The following BTRC variants were observed in gnomAD, a reference collection of about 807,000 sequenced individuals.
The protein encoded by BTRC is beta-transducin repeat containing E3 ubiquitin protein ligase.
In BTRC, 42 loss-of-function variants were observed where a neutral mutation model predicts 85.5. That is an observed-to-expected ratio of 0.49 (90% CI 0.38 to 0.64). The LOEUF (loss-of-function observed/expected upper bound fraction) is 0.64. BTRC is among the 30% of genes least tolerant of loss of function. The pLI, the probability that BTRC is intolerant of heterozygous loss-of-function variation, is 0.00. For synonymous variants in BTRC, 255 were observed against 263.3 expected, an observed-to-expected ratio of 0.97 and a Z score of 0.30; for missense variants, 594 against 743.5, an observed-to-expected ratio of 0.80 and a Z score of 2.34.
chr10:101,406,260 T>G (rs939600217), intron 1 of BTRC, among the ~76,000 whole-genome samples: 1 of 150,194 alleles, frequency 6.7e-6, no homozygotes, highest in African/African-American at 2.4e-5. Flanking sequence ...CACTGCAAGC[T>G]CCGCCTCCCG....
intron 1 of BTRC, among the ~76,000 whole-genome samples, chr10:101,363,784 T>C (rs991792671): frequency 6.6e-6 from 1 of 152,186 alleles, no homozygotes; most frequent in Admixed American, 6.5e-5. Context: ...CTCTCTGAGG[T>C]AGGCAGTCAA....
chr10:101,492,289 T>C (rs1564805345), intron 4 of BTRC, among the ~76,000 whole-genome samples: 1 of 152,182 alleles, frequency 6.6e-6, no homozygotes, highest in Non-Finnish European at 1.5e-5. Flanking sequence ...AAGGGAAATA[T>C]AGAGAGAAAA....
chr10:101,505,527 G>T (rs1258287813), intron 4 of BTRC, among the ~76,000 whole-genome samples: 11 of 151,622 alleles, frequency 7.3e-5, no homozygotes, highest in African/African-American at 2.4e-4. Context: ...AGCTGAGGCA[G>T]GAGAATGGCG....
chr10:101,445,174 T>G (rs552924156), intron 2 of BTRC, among the ~76,000 whole-genome samples: 124 of 152,322 alleles, frequency 8.1e-4, no homozygotes, highest in South Asian at 5.4e-3. Flanking sequence ...TCTGGTAAGA[T>G]CTTTCTGATT....
intron 12 of BTRC, among the ~76,000 whole-genome samples, chr10:101,537,534 A>AG (rs2062405542): frequency 6.6e-6 from 1 of 152,272 alleles, no homozygotes; most frequent in Non-Finnish European, 1.5e-5. Flanking sequence ...TCTCAAAAAA[A>AG]GAAAAAAAAA....
chr10:101,381,932 A>C (rs1279874933), intron 1 of BTRC, among the ~76,000 whole-genome samples: 1 of 138,550 alleles, frequency 7.2e-6, no homozygotes, highest in Non-Finnish European at 1.5e-5. Flanking sequence ...TACAGTTCAT[A>C]TCCAGAACCC....
At chr10:101,543,328 G>A (rs997589270) in intron 13 of BTRC, among the ~76,000 whole-genome samples, 1 of 152,112 alleles carries the variant, frequency 6.6e-6, no homozygotes, top group Non-Finnish European at 1.5e-5. Flanking sequence ...GATATTATAT[G>A]TAAACATTCT....
chr10:101,471,964 C>G (rs1383831690), intron 3 of BTRC, among the ~76,000 whole-genome samples: 1 of 152,048 alleles, frequency 6.6e-6, no homozygotes, highest in Non-Finnish European at 1.5e-5. Context: ...GCTTCCATGC[C>G]CCCTTTGACG....
intron 4 of BTRC, among the ~76,000 whole-genome samples, chr10:101,487,836 T>C (rs1471101897): frequency 2.6e-5 from 4 of 152,190 alleles, no homozygotes; most frequent in African/African-American, 9.6e-5. Context: ...CAGGCTCAGT[T>C]TCTGAAAAGG....
intron 4 of BTRC, among the ~76,000 whole-genome samples, chr10:101,504,609 A>C (rs1589562123): frequency 6.7e-6 from 1 of 150,010 alleles, no homozygotes; most frequent in Non-Finnish European, 1.5e-5. Context: ...TTCCTCTTCT[A>C]CCCTCTTCTC....
intron 1 of BTRC, among the ~76,000 whole-genome samples, chr10:101,388,656 A>C (rs1190662464): frequency 1.3e-5 from 2 of 151,332 alleles, no homozygotes; most frequent in Non-Finnish European, 2.9e-5. Flanking sequence ...CGCTTGGCTA[A>C]TTTTTTTGCA....
chr10:101,360,478 A>AT (rs1942173602), intron 1 of BTRC, among the ~76,000 whole-genome samples: 1 of 150,780 alleles, frequency 6.6e-6, no homozygotes, highest in African/African-American at 2.4e-5. Context: ...GGTTCAGGCA[A>AT]TTCTCCTGTC....
At chr10:101,379,203 C>CT (rs1220510885) in intron 1 of BTRC, among the ~76,000 whole-genome samples, 1 of 152,182 alleles carries the variant, frequency 6.6e-6, no homozygotes, top group Non-Finnish European at 1.5e-5. Context: ...AGTAGAAACT[C>CT]TTTTCATGTA....
chr10:101,509,161 T>C (rs1946624716), intron 4 of BTRC, among the ~76,000 whole-genome samples: 1 of 151,236 alleles, frequency 6.6e-6, no homozygotes, highest in African/African-American at 2.4e-5. Context: ...TCACTAGGTG[T>C]GCTTACTTAT....
intron 1 of BTRC, among the ~76,000 whole-genome samples, chr10:101,397,808 T>C (rs1943401953): frequency 6.6e-6 from 1 of 152,234 alleles, no homozygotes; most frequent in African/African-American, 2.4e-5. Flanking sequence ...AGGCATCACA[T>C]GCAGCATTAT....
intron 4 of BTRC, among the ~76,000 whole-genome samples, chr10:101,516,009 T>C (rs530952644): frequency 1.0e-3 from 158 of 152,344 alleles, no homozygotes; most frequent in Non-Finnish European, 1.8e-3. Flanking sequence ...GTGTTGGTTA[T>C]GTGAGTATGT....
At chr10:101,539,883 G>A (rs1008768331) in intron 13 of BTRC, among the ~76,000 whole-genome samples, 1 of 152,126 alleles carries the variant, frequency 6.6e-6, no homozygotes, top group Non-Finnish European at 1.5e-5. Context: ...TTTAATTCGT[G>A]TATCTCTAAT....
In BTRC at chr10:101,462,032, A is replaced by G; in HGVS notation, c.208A>G (p.Ile70Val). The G allele has an allele frequency of 4.3e-6, 7 of 1,612,184 alleles. No individual in the cohort carries two copies. Among genetic ancestry groups the G allele is most frequent in the Non-Finnish European group, 5.9e-6 (7 of 1,178,664 alleles). Residue 70 changes from isoleucine to valine, a missense_variant, in exon 3 of 15, where the codon ATA becomes GTA. Transcript: ENST00000370187. ...CNNGEPPRKI[I>V]PEKNSLRQTY... ...TAATGGCGAACCCCCTAGGAAGATA[A>G]TACCAGAGAAGAATTCACTTAGACA...
chr10:101,393,918 A>C (rs748593003), intron 1 of BTRC, among the ~76,000 whole-genome samples: 1 of 152,212 alleles, frequency 6.6e-6, no homozygotes, highest in Non-Finnish European at 1.5e-5. Flanking sequence ...TTGAATGAGA[A>C]AACTAATCTT....
Sources: gnomAD v4.1 joint callset for allele counts (sites outside exome capture counted in the v4.1 genomes callset) on GRCh38, gnomAD v4.1.1 for gene constraint, MANE v1.5 for transcripts, NCBI Gene and HGNC (gene_info 2026-07-23, HGNC 2026-07-21) for gene names.